Variants in CRYBG3 observed in about 807,000 individuals in gnomAD.
The protein encoded by CRYBG3 is crystallin beta-gamma domain containing 3, also known as very large A-kinase anchor protein.
CRYBG3 carries 127 observed loss-of-function variants against 244.2 expected under a neutral mutation model. The ratio of observed to expected loss-of-function variants is 0.52; its 90% CI spans 0.45 to 0.60. The LOEUF is 0.60. CRYBG3 is among the 20% of genes least tolerant of loss of function. The probability of loss-of-function intolerance (pLI) is 0.00; values close to 1 mark genes in which losing one functional copy is unlikely to be tolerated. For synonymous variants in CRYBG3, 1,132 were observed against 1,195.8 expected (o/e 0.95, Z 1.10); for missense variants, 3,325 against 3,442.5 (o/e 0.97, Z 0.85).
chr3:97,874,480 G>A lies in CRYBG3; in HGVS notation c.3286G>A (p.Gly1096Ser), dbSNP rs73851081. 6.5e-7 allele frequency: 1 copy of A among 1,534,070 alleles called. No homozygotes were observed. The highest frequency in any genetic ancestry group is 8.7e-7 in the Non-Finnish European group (1 of 1,146,208). The change falls in exon 4 of 22, where the codon GGT (glycine) becomes AGT (serine). Residue 1096 changes from glycine (G) to serine (S), a missense_variant. This residue lies in a region of CRYBG3 where 1,526 missense variants were observed against 1,443.2 expected (regional missense o/e 1.06). Transcript: ENST00000389622. ...AGTTACCAAAGATCTCACACATGAA[G>A]GTACCTCTGTAACTAACCTGTTGTA... ...IQVTKDLTHE[G>S]TSVTNLLYPT... is the part of the protein sequence containing the mutation.
intron 15 of CRYBG3, among the ~76,000 whole-genome samples, chr3:97,909,646 C>A (rs2039838450): frequency 6.6e-6 from 1 of 151,680 alleles, no homozygotes; most frequent in South Asian, 2.1e-4. Context: ...GTTATACATT[C>A]TTCTAAATTT....
At chr3:97,900,280 C>G (rs1344952878) in intron 14 of CRYBG3, among the ~76,000 whole-genome samples, 173 bp from the exon 15 acceptor site, 1 of 151,986 alleles carries the variant, frequency 6.6e-6, no homozygotes, top group Non-Finnish European at 1.5e-5. Flanking sequence ...CCCTGAAGAT[C>G]AAGGGTGCAG....
intron 3 of CRYBG3, among the ~76,000 whole-genome samples, chr3:97,869,401 A>C (rs1268621310): frequency 1.3e-5 from 2 of 152,146 alleles, no homozygotes; most frequent in Admixed American, 1.3e-4. Context: ...TCCATATTGC[A>C]TGTAACAATA....
In CRYBG3 at chr3:97,877,972, C is replaced by G; in HGVS notation, c.6778C>G (p.Gln2260Glu). ...EKGARFGGIF[Q>E]EPVSKYFRVQ... ...AGGAGCCAGATTTGGTGGAATTTTT[C>G]AGGAACCAGTGTCAAAATATTTCCG... Residue 2260 changes from glutamine (Q) to glutamate (E), a missense_variant, in exon 4 of 22, where the codon CAG (glutamine) becomes GAG (glutamate). Physicochemically the swap from Gln to Glu is conservative, Grantham distance 29. Around this residue, in one of 4 missense-constraint regions of CRYBG3, gnomAD observed 450 missense variants for 424.1 expected, o/e 1.06. Coordinates refer to ENST00000389622, the MANE Select transcript of CRYBG3 (RefSeq NM_153605.4). 1 of 1,614,110 alleles carries G rather than the reference C, an allele frequency of 6.2e-7. No homozygotes were observed. The highest frequency in any genetic ancestry group is 8.5e-7 in the Non-Finnish European group (1 of 1,180,002).
At chr3:97,922,927 T>G (rs181520660) in intron 17 of CRYBG3, among the ~76,000 whole-genome samples, 4 of 149,564 alleles carry the variant, frequency 2.7e-5, no homozygotes, top group African/African-American at 9.7e-5. Flanking sequence ...AGCAAAGACT[T>G]GGAACCAACC....
Position 97,853,324 on chromosome 3 carries a change from G to A in CRYBG3, c.216+10063G>A, listed in dbSNP as rs192967030. ...GGTCTCCAACTCCATCCAAATTGCTGCAAATGCCATTATTTCATTCCTTTT... is the reference window on the plus strand; with the variant it reads ...GGTCTCCAACTCCATCCAAATTGCTACAAATGCCATTATTTCATTCCTTTT... On this transcript the variant is annotated intron_variant, in intron 2 of 21. Transcript: ENST00000389622. Among the ~76,000 whole-genome samples, 181 of 151,824 alleles carry A rather than the reference G, an allele frequency of 1.2e-3. 4 individuals carry two copies. Among genetic ancestry groups the A allele is most frequent in the Admixed American group, 0.011 (164 of 15,230 alleles).
chr3:97,843,122 T>C, intron 1 of CRYBG3, 73 bp from the exon 2 acceptor site: 1 of 926,002 alleles, frequency 1.1e-6, no homozygotes, highest in Non-Finnish European at 1.6e-6. Flanking sequence ...TCAGTTTGAG[T>C]TTAAATACAG....
chr3:97,857,001 A>AT (rs1410030291), intron 2 of CRYBG3, among the ~76,000 whole-genome samples: 2 of 151,772 alleles, frequency 1.3e-5, no homozygotes, highest in African/African-American at 2.4e-5. Flanking sequence ...ATTTGAAATA[A>AT]TTTTTTTATT....
At chr3:97,924,261 A>G (rs1007639950) in intron 17 of CRYBG3, 3 of 334,678 alleles carry the variant, frequency 9.0e-6, no homozygotes, top group Admixed American at 4.7e-5. Context: ...CTTTACTCCA[A>G]ACACAAAAAT....
At chr3:97,870,914 C>T (rs867314329) in intron 3 of CRYBG3, among the ~76,000 whole-genome samples, 1 of 151,480 alleles carries the variant, frequency 6.6e-6, no homozygotes, top group African/African-American at 2.4e-5. Flanking sequence ...AAATGTTGTG[C>T]TCTGTGCACC....
Position 97,896,061 on chromosome 3 carries a change from C to T in CRYBG3, c.7677C>T (p.Ile2559=). 6.2e-7 allele frequency: 1 copy of T among 1,612,588 alleles called. No individual in the cohort carries two copies. The change falls in exon 12 of 22, where the codon ATC becomes ATT. Residue 2559 remains isoleucine, a synonymous_variant. Transcript: ENST00000389622. ...CTTGTGGTGCATTAAGTAGCCCTATCTTGTCTTTCCGGTACTTACAAGCTG... is the reference window on the plus strand; with the variant it reads ...CTTGTGGTGCATTAAGTAGCCCTATTTTGTCTTTCCGGTACTTACAAGCTG... ...SNACGALSSP[I]LSFRYLQANF... is the part of the protein sequence containing the mutation.
intron 15 of CRYBG3, among the ~76,000 whole-genome samples, chr3:97,904,980 T>C (rs2039752970): frequency 6.7e-6 from 1 of 149,708 alleles, no homozygotes; most frequent in Admixed American, 6.8e-5. Context: ...TGAGTGAGAA[T>C]ATGCGGTGTT....
chr3:97,921,847 A>G (rs2039987938), intron 17 of CRYBG3, among the ~76,000 whole-genome samples: 2 of 152,140 alleles, frequency 1.3e-5, no homozygotes, highest in Non-Finnish European at 2.9e-5. Context: ...TTGCATTTCC[A>G]TGGGAGCAGT....
chr3:97,856,079 A>G (rs1365550513), intron 2 of CRYBG3, among the ~76,000 whole-genome samples: 1 of 152,140 alleles, frequency 6.6e-6, no homozygotes, highest in Non-Finnish European at 1.5e-5. Flanking sequence ...AGCCTCGACC[A>G]TAAGATACGG....
intron 3 of CRYBG3, among the ~76,000 whole-genome samples, chr3:97,864,897 G>A (rs901976251): frequency 1.3e-5 from 2 of 152,038 alleles, no homozygotes; most frequent in East Asian, 3.9e-4. Flanking sequence ...GCATGGTAAT[G>A]TTTTCTGTTG....
chr3:97,884,644 G>A (rs2039487064), intron 7 of CRYBG3, among the ~76,000 whole-genome samples: 1 of 151,930 alleles, frequency 6.6e-6, no homozygotes, highest in Non-Finnish European at 1.5e-5. Flanking sequence ...GCTTGCAGTT[G>A]CTCGTGTTTG....
intron 19 of CRYBG3, among the ~76,000 whole-genome samples, chr3:97,938,820 G>A (rs987174511): frequency 6.6e-5 from 10 of 151,842 alleles, no homozygotes; most frequent in African/African-American, 1.2e-4. Flanking sequence ...TATTCACAAT[G>A]TCCCTTGAGA....
intron 7 of CRYBG3, 127 bp downstream of exon 7, chr3:97,881,346 A>G: frequency 1.8e-6 from 1 of 565,280 alleles, no homozygotes; most frequent in East Asian, 3.2e-5. Flanking sequence ...TCATTACCAT[A>G]TTGATAATCT....
At position 97,912,214 on chromosome 3, in the gene CRYBG3, T is replaced by C; in HGVS notation, c.8052T>C (p.Phe2684=). ...GGTTCCAAGGTGAATGTATAGATTTTACAGAAGAAACTTCTGATTTGACTT... is the reference window on the plus strand; with the variant it reads ...GGTTCCAAGGTGAATGTATAGATTTCACAGAAGAAACTTCTGATTTGACTT... The part of the protein sequence containing the change: ...KPGFQGECID[F]TEETSDLTSL... Residue 2684 remains phenylalanine, a synonymous_variant, in exon 16 of 22, where the codon TTT becomes TTC. Coordinates refer to ENST00000389622, the MANE Select transcript of CRYBG3 (RefSeq NM_153605.4). 6.2e-7 allele frequency: 1 copy of C among 1,608,720 alleles called. No homozygotes were observed. Among genetic ancestry groups the C allele is most frequent in the Non-Finnish European group, 8.5e-7 (1 of 1,177,560 alleles).
Sources: allele counts gnomAD v4.1 joint callset (sites outside exome capture counted in the v4.1 genomes callset), GRCh38; gene constraint gnomAD v4.1.1; regional missense constraint gnomAD v4.1.1; transcripts MANE v1.5; gene names NCBI Gene and HGNC (gene_info 2026-07-23, HGNC 2026-07-21).